The following PEMT variants were observed in gnomAD, a reference collection of about 807,000 sequenced individuals.
The protein encoded by PEMT is phosphatidylethanolamine N-methyltransferase.
Under a neutral mutation model 27.4 loss-of-function variants are expected in PEMT, and 23 were observed. The observed-to-expected ratio is 0.84, with a 90% confidence interval of 0.60 to 1.19. The LOEUF is 1.19. Ranked by LOEUF, PEMT falls within the 50% of genes most tolerant of loss-of-function variation. PEMT has a pLI of 0.00. For missense variants in PEMT, 307 were observed against 310.1 expected (o/e 0.99, Z 0.07); for synonymous variants, 137 against 139.1 (o/e 0.98, Z 0.11).
At chr17:17,571,989 C>A (rs1911238053) in intron 2 of PEMT, among the ~76,000 whole-genome samples, 1 of 152,224 alleles carries the variant, frequency 6.6e-6, no homozygotes, top group Non-Finnish European at 1.5e-5. Context: ...CGTGAGCCAC[C>A]ATGCCTGGCC....
intron 2 of PEMT, among the ~76,000 whole-genome samples, chr17:17,549,348 C>A (rs978739335): frequency 4.6e-5 from 7 of 152,212 alleles, no homozygotes; most frequent in African/African-American, 1.7e-4. Flanking sequence ...TGCCACCACA[C>A]CTGGCTAATT....
At chr17:17,543,879 G>A (rs1909064923) in intron 2 of PEMT, among the ~76,000 whole-genome samples, 1 of 152,154 alleles carries the variant, frequency 6.6e-6, no homozygotes. Context: ...TGCCTTTTTT[G>A]ACCCAAAATA....
At chr17:17,536,127 G>A (rs940734927) in intron 2 of PEMT, among the ~76,000 whole-genome samples, 31 of 152,236 alleles carry the variant, frequency 2.0e-4, no homozygotes, top group African/African-American at 7.0e-4. Context: ...GCACAGTGAC[G>A]TCAGCCGACA....
intron 2 of PEMT, among the ~76,000 whole-genome samples, chr17:17,542,063 C>T (rs773692793): frequency 7.2e-5 from 11 of 152,212 alleles, no homozygotes; most frequent in Non-Finnish European, 1.5e-4. Context: ...TCACTGAAAC[C>T]TCCACCTACC....
At chr17:17,590,371 C>T (rs1014183139) in intron 1 of PEMT, among the ~76,000 whole-genome samples, 1 of 152,238 alleles carries the variant, frequency 6.6e-6, no homozygotes, top group African/African-American at 2.4e-5. Flanking sequence ...TCTGGGGAAT[C>T]TTGCCCCACT....
At position 17,573,212 on chromosome 17, in the gene PEMT, C is replaced by T. The variant is rs1379267103; in HGVS notation, c.204+3708G>A. Among the ~76,000 whole-genome samples the T allele has an allele frequency of 4.2e-5, 6 of 142,954 alleles. No homozygotes were observed. In the East Asian group the frequency reaches 6.3e-4, roughly 15 times the overall value. 93.8% of individuals were successfully genotyped at this position (142,954 alleles called of 152,430 possible). A position where few individuals can be genotyped will look rare whatever the true frequency, so the allele number is the denominator to read the frequency against. ...TCAAAAAGAAAAAAAAGGCCTGGCGCGGTGGCTCATGCCTATAATCCCAGC... is the reference window on the plus strand; with the variant it reads ...TCAAAAAGAAAAAAAAGGCCTGGCGTGGTGGCTCATGCCTATAATCCCAGC... On this transcript the variant is annotated intron_variant, in intron 2 of 6. Coordinates refer to ENST00000255389, the MANE Select transcript of PEMT (RefSeq NM_148172.3).
chr17:17,525,421 C>T (rs1170395808), intron 2 of PEMT, among the ~76,000 whole-genome samples: 1 of 152,240 alleles, frequency 6.6e-6, no homozygotes. Flanking sequence ...CCTTCCCTGC[C>T]TGGCAGCACC....
At chr17:17,568,303 C>CT (rs1223312905) in intron 2 of PEMT, among the ~76,000 whole-genome samples, 2 of 152,246 alleles carry the variant, frequency 1.3e-5, no homozygotes, top group Non-Finnish European at 2.9e-5. Context: ...ACGACCCTGT[C>CT]TCCCCACGCA....
At chr17:17,555,413 A>G (rs1424932736) in intron 2 of PEMT, among the ~76,000 whole-genome samples, 1 of 152,196 alleles carries the variant, frequency 6.6e-6, no homozygotes, top group Non-Finnish European at 1.5e-5. Context: ...CACCTGTCAC[A>G]GTGTGCTGCC....
chr17:17,592,020 G>A (rs1567765838), upstream of PEMT: 1 of 985,482 alleles, frequency 1.0e-6, no homozygotes, highest in Non-Finnish European at 1.2e-6. Context: ...GGGGGCCGCG[G>A]GTCGTAGCTA....
At chr17:17,586,259 AGAAAGAAAGAAAGAAAGAAAG>A (rs1912276719) in intron 1 of PEMT, among the ~76,000 whole-genome samples, 1 of 116,778 alleles carries the variant, frequency 8.6e-6, no homozygotes, top group Non-Finnish European at 1.7e-5. Context: ...AAAGAAAGAA[AGAAAGAAAGAAAGAAAGAAAG>A]AAAGAAAGAA....
chr17:17,557,180 G>A lies in PEMT; in HGVS notation c.204+19740C>T, dbSNP rs896811539. 3.3e-5 allele frequency among the ~76,000 whole-genome samples: 5 copies of A among 152,018 alleles called. No homozygotes were observed. The South Asian group carries it at 6.2e-4, about 19-fold the overall frequency. On this transcript the variant is annotated intron_variant, in intron 2 of 6. Transcript: ENST00000255389. ...CACTACCACCCATGCACCGGCTCCC[G>A]GCCTCTGGGCAGCCTGTTAGTCTTT... is the stretch of plus-strand genomic sequence containing the variant.
intron 2 of PEMT, among the ~76,000 whole-genome samples, chr17:17,532,584 C>T (rs1908176266): frequency 6.6e-6 from 1 of 152,226 alleles, no homozygotes; most frequent in African/African-American, 2.4e-5. Context: ...TGGCAATACT[C>T]TCCAAACTGA....
At chr17:17,509,367 T>G in intron 5 of PEMT, 67 bp downstream of exon 5, 2 of 1,075,744 alleles carry the variant, frequency 1.9e-6, no homozygotes, top group Non-Finnish European at 2.8e-6. Flanking sequence ...CCCCGCGTCC[T>G]GAGCTGCACC....
chr17:17,582,481 C>G lies in PEMT; in HGVS notation c.97-5454G>C. On this transcript the variant is annotated intron_variant, in intron 1 of 6. Coordinates refer to ENST00000255389, the MANE Select transcript of PEMT (RefSeq NM_148172.3). The surrounding 1 kb of genome is among the most constrained non-coding windows in gnomAD (Gnocchi z 4.9). ...TGTCACATTGTGACACATGGACAAA[C>G]AGCAGGCCTGGACAGGCAAAGTCAC... The G allele has an allele frequency of 5.2e-6, 5 of 967,658 alleles. No individual in the cohort carries two copies. The highest frequency in any genetic ancestry group is 6.1e-6 in the Non-Finnish European group (5 of 813,752). The allele number at this position is 967,658 out of a possible 1,614,324, so 59.9% of individuals were successfully genotyped here. A position where few individuals can be genotyped will look rare whatever the true frequency, so the allele number is the denominator to read the frequency against.
At chr17:17,527,335 T>C (rs4924922) in intron 2 of PEMT, among the ~76,000 whole-genome samples, 91,377 of 152,042 alleles carry the variant, frequency 0.6, 27,637 homozygotes, top group African/African-American at 0.64. Flanking sequence ...CTGTGCCCGG[T>C]GAGGGTAGAA....
At chr17:17,587,982 AAT>A (rs1436729297) in intron 1 of PEMT, among the ~76,000 whole-genome samples, 9 of 152,232 alleles carry the variant, frequency 5.9e-5, no homozygotes, top group African/African-American at 2.2e-4. Flanking sequence ...TACAAAGGAT[AAT>A]ATGTTAGGAC....
intron 3 of PEMT, among the ~76,000 whole-genome samples, chr17:17,521,813 C>T (rs994176805): frequency 6.6e-6 from 1 of 152,104 alleles, no homozygotes; most frequent in Non-Finnish European, 1.5e-5. Flanking sequence ...GTGATCCACC[C>T]GCCTCGGCCT....
chr17:17,549,027 T>G (rs1909459754), intron 2 of PEMT, among the ~76,000 whole-genome samples: 1 of 152,122 alleles, frequency 6.6e-6, no homozygotes, highest in Non-Finnish European at 1.5e-5. Flanking sequence ...GGAATTCTTT[T>G]TTTTTTTGAG....
Sources: allele counts gnomAD v4.1 joint callset (sites outside exome capture counted in the v4.1 genomes callset), GRCh38; gene constraint gnomAD v4.1.1; non-coding constraint Gnocchi (gnomAD v3.1); transcripts MANE v1.5; gene names NCBI Gene and HGNC (gene_info 2026-07-23, HGNC 2026-07-21).